The following DTNA variants were observed in gnomAD, a reference collection of about 807,000 sequenced individuals.
DTNA encodes dystrobrevin alpha, also known as dystrophin-related protein 3.
In DTNA, 43 loss-of-function variants were observed where a neutral mutation model predicts 100.7. The observed-to-expected ratio is 0.43, with a 90% CI of 0.33 to 0.55. The LOEUF is 0.55. Ranked by LOEUF, DTNA falls within the 20% of genes least tolerant of loss-of-function variation. The pLI, the probability that DTNA is intolerant of heterozygous loss-of-function variation, is 0.04. For missense variants in DTNA, 798 were observed against 953.9 expected (o/e 0.84, Z 2.15); for synonymous variants, 349 against 347.9 (o/e 1.00, Z -0.04).
At chr18:34,816,066 C>A in intron 7 of DTNA, 52 bp downstream of exon 7, 1 of 1,540,016 alleles carries the variant, frequency 6.5e-7, no homozygotes, top group Non-Finnish European at 9.0e-7. Flanking sequence ...TGAAATTAGG[C>A]CATTAGTTCT....
At chr18:34,625,629 A>G (rs547352330) in intron 1 of DTNA, among the ~76,000 whole-genome samples, 1 of 152,224 alleles carries the variant, frequency 6.6e-6, no homozygotes, top group Non-Finnish European at 1.5e-5. Flanking sequence ...ACACTTATAT[A>G]TACACAAAAT....
intron 1 of DTNA, among the ~76,000 whole-genome samples, chr18:34,559,102 A>G (rs1196477447): frequency 1.3e-5 from 2 of 152,258 alleles, no homozygotes; most frequent in Non-Finnish European, 2.9e-5. Flanking sequence ...TCTAGTAACA[A>G]TAATACATAC....
chr18:34,818,037 C>A (rs959470758), intron 7 of DTNA, 127 bp from the exon 8 acceptor site: 8 of 1,576,924 alleles, frequency 5.1e-6, no homozygotes, highest in Middle Eastern at 1.7e-4. Context: ...TTCTCTGAGC[C>A]CAAATCAACT....
intron 1 of DTNA, among the ~76,000 whole-genome samples, chr18:34,545,740 T>C (rs2044712707): frequency 6.6e-6 from 1 of 152,102 alleles, no homozygotes; most frequent in Admixed American, 6.6e-5. Flanking sequence ...ATTTAATTTC[T>C]TAAATATTTT....
At chr18:34,650,604 T>A (rs1351066757) in intron 1 of DTNA, among the ~76,000 whole-genome samples, 1 of 152,164 alleles carries the variant, frequency 6.6e-6, no homozygotes, top group Non-Finnish European at 1.5e-5. Flanking sequence ...TGTGGCACCT[T>A]CAGGCACTCT....
intron 1 of DTNA, among the ~76,000 whole-genome samples, chr18:34,553,985 C>T (rs1397158469): frequency 1.2e-4 from 18 of 148,878 alleles, no homozygotes; most frequent in East Asian, 3.9e-4. Flanking sequence ...GCCATTTTCA[C>T]GATACTGATT....
chr18:34,535,231 C>G (rs1021143534), intron 1 of DTNA, among the ~76,000 whole-genome samples: 3 of 152,244 alleles, frequency 2.0e-5, no homozygotes, highest in Non-Finnish European at 4.4e-5. Context: ...ATTTGCATTT[C>G]TCTAATGACC....
intron 1 of DTNA, among the ~76,000 whole-genome samples, chr18:34,717,969 A>T (rs1257762180): frequency 6.6e-6 from 1 of 152,224 alleles, no homozygotes; most frequent in Non-Finnish European, 1.5e-5. Flanking sequence ...GTTATGAGCT[A>T]AGGGGATGAA....
At chr18:34,561,960 A>G (rs1437736409) in intron 1 of DTNA, among the ~76,000 whole-genome samples, 1 of 152,206 alleles carries the variant, frequency 6.6e-6, no homozygotes, top group African/African-American at 2.4e-5. Flanking sequence ...ATTTTAATCC[A>G]GTTAAGTGAT....
chr18:34,649,240 A>G (rs900262023), intron 1 of DTNA, among the ~76,000 whole-genome samples: 9 of 152,184 alleles, frequency 5.9e-5, no homozygotes, highest in Non-Finnish European at 1.2e-4. Flanking sequence ...TCCCAGAGGT[A>G]TTGAGAGAGC....
In DTNA at chr18:34,821,647, A is replaced by G. The variant is rs544501044; in HGVS notation, c.1001+732A>G. On this transcript the variant is annotated intron_variant, in intron 9 of 22. Coordinates refer to ENST00000444659, the MANE Select transcript of DTNA (RefSeq NM_001386795.1). ...TTCCTTGGTGTTACCTGGGGCTCAT[A>G]AGAAGAAAGAGTCTCATTACCTGCT... Among the ~76,000 whole-genome samples the G allele has an allele frequency of 3.3e-5, 5 of 152,316 alleles. No homozygotes were observed. In the South Asian group the frequency reaches 1.0e-3, roughly 32 times the overall value.
intron 1 of DTNA, among the ~76,000 whole-genome samples, chr18:34,624,127 A>G (rs2056959869): frequency 6.6e-6 from 1 of 152,216 alleles, no homozygotes; most frequent in Admixed American, 6.5e-5. Flanking sequence ...AAATAGTGTC[A>G]TATTTACATC....
chr18:34,512,010 G>C (rs984482222), intron 1 of DTNA, among the ~76,000 whole-genome samples: 3 of 151,820 alleles, frequency 2.0e-5, no homozygotes, highest in African/African-American at 4.8e-5. Flanking sequence ...ACTCTGTTCT[G>C]AGTCTCTGCA....
At chr18:34,592,367 C>A (rs1028286016) in intron 1 of DTNA, among the ~76,000 whole-genome samples, 1 of 151,658 alleles carries the variant, frequency 6.6e-6, no homozygotes, top group Non-Finnish European at 1.5e-5. Flanking sequence ...TTTAAAGGGA[C>A]CCCATGTTGT....
chr18:34,631,705 GTTGGTCAA>G, intron 1 of DTNA, among the ~76,000 whole-genome samples: 1 of 152,308 alleles, frequency 6.6e-6, no homozygotes, highest in East Asian at 1.9e-4. Flanking sequence ...TGATTTCAGA[GTTGGTCAA>G]TAACAAGGAA....
At chr18:34,843,325 A>T (rs1642581280) in intron 13 of DTNA, among the ~76,000 whole-genome samples, 1 of 152,184 alleles carries the variant, frequency 6.6e-6, no homozygotes, top group Non-Finnish European at 1.5e-5. Context: ...AAATTTTTTT[A>T]AAAACTTAAA....
intron 1 of DTNA, among the ~76,000 whole-genome samples, chr18:34,578,467 G>A (rs1013177577): frequency 2.6e-5 from 4 of 151,774 alleles, no homozygotes; most frequent in Non-Finnish European, 4.4e-5. Context: ...AAGCTCTTTA[G>A]TTTAATTAAG....
chr18:34,747,104 C>CTATATCTATATATATATATATATATA (rs1555757664), intron 1 of DTNA, among the ~76,000 whole-genome samples: 18 of 148,308 alleles, frequency 1.2e-4, no homozygotes, highest in African/African-American at 4.0e-4. Context: ...ATATCTGTAT[C>CTATATCTATATATATATATATATATA]TATATATATA....
intron 1 of DTNA, among the ~76,000 whole-genome samples, chr18:34,602,212 A>AT (rs2052013851): frequency 6.6e-6 from 1 of 152,206 alleles, no homozygotes; most frequent in Admixed American, 6.5e-5. Flanking sequence ...AGAGTTGAAA[A>AT]TTTTTAAGCC....
Sources: gnomAD v4.1 joint callset for allele counts (sites outside exome capture counted in the v4.1 genomes callset) on GRCh38, gnomAD v4.1.1 for gene constraint, MANE v1.5 for transcripts, NCBI Gene and HGNC (gene_info 2026-07-23, HGNC 2026-07-21) for gene names.